XKR4: variants seen among roughly 807,000 people sequenced by gnomAD.
XKR4 encodes XK-related protein 4.
Under a neutral mutation model 53.9 loss-of-function variants are expected in XKR4, and 12 were observed. The observed-to-expected ratio is 0.22, with a 90% CI of 0.14 to 0.36. XKR4 has a LOEUF of 0.36. XKR4 is among the 10% of genes least tolerant of loss of function. XKR4 has a pLI of 1.00. For missense variants in XKR4, 799 were observed against 859.5 expected (o/e 0.93, Z 0.88); for synonymous variants, 354 against 362.4 (o/e 0.98, Z 0.26).
intron 1 of XKR4, among the ~76,000 whole-genome samples, chr8:55,313,093 A>G (rs1819410538): frequency 1.3e-5 from 2 of 152,214 alleles, no homozygotes; most frequent in Admixed American, 1.3e-4. Flanking sequence ...TAAAGCATCT[A>G]TAATTCCCTT....
chr8:55,536,642 A>T lies in XKR4; in HGVS notation c.*12415A>T, dbSNP rs988906315. The T allele has an allele frequency of 8.5e-5, 13 of 152,266 alleles. No individual in the cohort carries two copies. Among genetic ancestry groups the T allele is most frequent in the Non-Finnish European group, 1.6e-4 (11 of 68,052 alleles). 9.4% of individuals were successfully genotyped at this position (152,266 alleles called of 1,614,324 possible). On this transcript the variant is annotated 3_prime_UTR_variant, in exon 3 of 3. Coordinates refer to ENST00000327381, the MANE Select transcript of XKR4 (RefSeq NM_052898.2). ...TGGAATTGAACTTTCTTGCGCCGTAAGCAATTGCTGGTCATATTCTGCTGC... is the reference window on the plus strand; with the variant it reads ...TGGAATTGAACTTTCTTGCGCCGTATGCAATTGCTGGTCATATTCTGCTGC...
At chr8:55,443,795 T>A (rs1183401076) in intron 2 of XKR4, among the ~76,000 whole-genome samples, 2 of 144,338 alleles carry the variant, frequency 1.4e-5, no homozygotes, top group Non-Finnish European at 3.0e-5. Flanking sequence ...GAGCTGAGAT[T>A]GTGCCACTGC....
At chr8:55,452,081 G>T in intron 2 of XKR4, 1 of 703,502 alleles carries the variant, frequency 1.4e-6, no homozygotes, top group Non-Finnish European at 2.6e-6. Context: ...GGGGTGGCTG[G>T]CCGGGTGTGT....
In XKR4 at chr8:55,231,535, T is replaced by C. The variant is rs542064854; in HGVS notation, c.807-126143T>C. The stretch of plus-strand genomic sequence containing the variant: ...GATCATGGCTCACTGCTTGTTTTTA[T>C]CCCCAGCCTGCCCCATCCTTCCCAC... On this transcript the variant is annotated intron_variant, in intron 1 of 2. Coordinates refer to ENST00000327381, the MANE Select transcript of XKR4 (RefSeq NM_052898.2). Among the ~76,000 whole-genome samples, 4 of 152,258 alleles carry C rather than the reference T, an allele frequency of 2.6e-5. No homozygotes were observed. In the East Asian group the frequency reaches 7.7e-4, roughly 29 times the overall value.
In XKR4 at chr8:55,530,174, AGG is replaced by A. The variant is rs1806929665; in HGVS notation, c.*5948_*5949del. Reference sequence around the variant, plus strand: ...AAGGAAGGAAGGAAGGAAGGAAGGAAGGAAGGAAGGAAGGAAGGAAGGAAGGA... The same window carrying A: ...AAGGAAGGAAGGAAGGAAGGAAGGAAAAGGAAGGAAGGAAGGAAGGAAGGA... On this transcript the variant is annotated 3_prime_UTR_variant, in exon 3 of 3. Coordinates refer to ENST00000327381, the MANE Select transcript of XKR4 (RefSeq NM_052898.2). The A allele has an allele frequency of 1.4e-5, 2 of 147,308 alleles. No individual in the cohort carries two copies. The highest frequency in any genetic ancestry group is 5.3e-5 in the African/African-American group (2 of 37,868). 9.1% of individuals were successfully genotyped at this position (147,308 alleles called of 1,614,324 possible).
chr8:55,354,490 TGATAG>T (rs1174757922), intron 1 of XKR4, among the ~76,000 whole-genome samples: 2 of 152,152 alleles, frequency 1.3e-5, no homozygotes, highest in African/African-American at 4.8e-5. Context: ...CAGAGGCAGC[TGATAG>T]CAGAAAGTAA....
At chr8:55,116,049 A>G (rs1230168529) in intron 1 of XKR4, among the ~76,000 whole-genome samples, 1 of 152,156 alleles carries the variant, frequency 6.6e-6, no homozygotes, top group East Asian at 1.9e-4. Context: ...TGACCAAGAC[A>G]TGATAGTGGT....
intron 2 of XKR4, among the ~76,000 whole-genome samples, chr8:55,380,880 G>C (rs1804222000): frequency 6.6e-6 from 1 of 152,218 alleles, no homozygotes; most frequent in South Asian, 2.1e-4. Flanking sequence ...TTTGATAAAA[G>C]AGTCAAACTA....
chr8:55,309,740 C>T (rs1053111962), intron 1 of XKR4, among the ~76,000 whole-genome samples: 1 of 152,138 alleles, frequency 6.6e-6, no homozygotes, highest in Non-Finnish European at 1.5e-5. Flanking sequence ...TGTGAATCAA[C>T]AATTATCTCA....
chr8:55,234,709 C>G (rs1026170986), intron 1 of XKR4, among the ~76,000 whole-genome samples: 2 of 152,160 alleles, frequency 1.3e-5, no homozygotes, highest in African/African-American at 4.8e-5. Flanking sequence ...GTGAAGCAAA[C>G]ACAGGAATAT....
chr8:55,479,166 C>A (rs988160586), intron 2 of XKR4, among the ~76,000 whole-genome samples: 4 of 152,180 alleles, frequency 2.6e-5, no homozygotes, highest in Admixed American at 1.3e-4. Context: ...CACTCCTCAG[C>A]AAATATAAAA....
intron 1 of XKR4, chr8:55,272,880 T>C (rs1424187671): frequency 2.2e-6 from 1 of 451,762 alleles, no homozygotes; most frequent in South Asian, 1.6e-5. Context: ...CTTCCTTTCC[T>C]CTAATAAATT....
intron 1 of XKR4, among the ~76,000 whole-genome samples, chr8:55,182,296 A>G (rs558230468): frequency 1.6e-3 from 249 of 152,122 alleles, no homozygotes; most frequent in African/African-American, 5.8e-3. Flanking sequence ...TTTTTCTTTT[A>G]TGGATCACAC....
chr8:55,514,153 T>C (rs1254813156), intron 2 of XKR4, among the ~76,000 whole-genome samples: 1 of 151,822 alleles, frequency 6.6e-6, no homozygotes, highest in Non-Finnish European at 1.5e-5. Flanking sequence ...ATCTGTAAAA[T>C]GGACAAAAAA....
At chr8:55,506,982 A>G (rs1280085286) in intron 2 of XKR4, among the ~76,000 whole-genome samples, 1 of 152,170 alleles carries the variant, frequency 6.6e-6, no homozygotes, top group Non-Finnish European at 1.5e-5. Context: ...ATATTAGCTT[A>G]GGGTTGTGGT....
intron 2 of XKR4, among the ~76,000 whole-genome samples, chr8:55,439,086 T>C (rs906815970): frequency 1.3e-4 from 20 of 152,180 alleles, no homozygotes; most frequent in Non-Finnish European, 2.8e-4. Flanking sequence ...GTAAATAAGA[T>C]TAAAATGTCT....
chr8:55,318,760 T>G (rs1294031332), intron 1 of XKR4, among the ~76,000 whole-genome samples: 1 of 152,170 alleles, frequency 6.6e-6, no homozygotes, highest in Non-Finnish European at 1.5e-5. Flanking sequence ...CAAACATACC[T>G]GCCCCCATCA....
intron 2 of XKR4, chr8:55,452,641 C>T: frequency 1.4e-6 from 2 of 1,420,032 alleles, no homozygotes; most frequent in South Asian, 1.1e-5. Context: ...ACATGCAGCC[C>T]CTTGAGGTGG....
intron 1 of XKR4, among the ~76,000 whole-genome samples, chr8:55,292,685 C>T (rs1195502469): frequency 6.6e-6 from 1 of 151,998 alleles, no homozygotes. Flanking sequence ...GCTTTGAATT[C>T]ATTTACCTCT....
Sources: gnomAD v4.1 joint callset for allele counts (sites outside exome capture counted in the v4.1 genomes callset) on GRCh38, gnomAD v4.1.1 for gene constraint, MANE v1.5 for transcripts, NCBI Gene and HGNC (gene_info 2026-07-23, HGNC 2026-07-21) for gene names.